The following EPS8 variants were observed in gnomAD, a reference collection of about 807,000 sequenced individuals.
EPS8 encodes the protein EGFR pathway substrate 8, signaling adaptor.
EPS8 carries 42 observed loss-of-function variants against 103.8 expected under a neutral mutation model. That is an observed-to-expected ratio of 0.40 (90% confidence interval 0.32 to 0.52). The LOEUF (loss-of-function observed/expected upper bound fraction) is 0.52, where lower values mean the gene tolerates loss of function less well. EPS8 is among the 20% of genes least tolerant of loss of function. The pLI, the probability that EPS8 is intolerant of heterozygous loss-of-function variation, is 0.40. For synonymous variants in EPS8, 344 were observed against 344.6 expected (o/e 1.00, Z 0.02); for missense variants, 969 against 1,005.1 (o/e 0.96, Z 0.49).
chr12:15,631,550 G>T lies in EPS8; in HGVS notation c.1936C>A (p.Pro646Thr), dbSNP rs758536330. 1.1e-5 allele frequency: 18 copies of T among 1,613,912 alleles called. No homozygotes were observed. Among genetic ancestry groups the T allele is most frequent in the Non-Finnish European group, 1.4e-5 (17 of 1,179,978 alleles). The change falls in exon 18 of 21, where the codon CCT becomes ACT. Residue 646 changes from proline (P) to threonine (T), a missense_variant. Transcript: ENST00000281172. ...ATATTTGCTGGGACCTTTGACACAG[G>T]AACAGGTGCTGGAGTGGAAGGGGGA... ...PLPPSTPAPV[P>T]VSKVPANITR...
chr12:15,756,343 C>A (rs1225724702), intron 1 of EPS8, among the ~76,000 whole-genome samples: 2 of 152,014 alleles, frequency 1.3e-5, no homozygotes, highest in Admixed American at 1.3e-4. Flanking sequence ...CCAAGAAATT[C>A]AAATAGAATT....
intron 15 of EPS8, among the ~76,000 whole-genome samples, chr12:15,646,461 A>G (rs1183010410): frequency 6.6e-6 from 1 of 152,124 alleles, no homozygotes; most frequent in Non-Finnish European, 1.5e-5. Flanking sequence ...TCTTTTCTAC[A>G]TGGCTTGGCT....
At chr12:15,642,445 A>G (rs1028082410) in intron 15 of EPS8, among the ~76,000 whole-genome samples, 14 of 152,182 alleles carry the variant, frequency 9.2e-5, no homozygotes, top group Non-Finnish European at 1.0e-4. Context: ...ACTTTTAAAA[A>G]GTGTATGGGC....
chr12:15,653,649 A>C lies in EPS8; in HGVS notation c.1250+496T>G, dbSNP rs542577239. ...TGATGAACACTGACTCCAGAGCTAC[A>C]TGGCACGAGTTCACATCCCTGCTCT... On this transcript the variant is annotated intron_variant, in intron 13 of 20. Coordinates refer to ENST00000281172, the MANE Select transcript of EPS8 (RefSeq NM_004447.6). Among the ~76,000 whole-genome samples, 47 of 152,310 alleles carry C rather than the reference A, an allele frequency of 3.1e-4. 1 individual carries two copies. Among genetic ancestry groups the C allele is most frequent in the Non-Finnish European group, 5.7e-4 (39 of 68,024 alleles).
intron 1 of EPS8, among the ~76,000 whole-genome samples, chr12:15,703,689 T>C (rs776400255): frequency 6.6e-6 from 1 of 151,252 alleles, no homozygotes; most frequent in African/African-American, 2.4e-5. Context: ...ATATTACTAA[T>C]GTTTAAGAAA....
At chr12:15,786,166 C>T (rs1947308914) in intron 1 of EPS8, among the ~76,000 whole-genome samples, 1 of 151,932 alleles carries the variant, frequency 6.6e-6, no homozygotes, top group African/African-American at 2.4e-5. Flanking sequence ...ACTATCTCAG[C>T]CAGGTGATAA....
Position 15,721,002 on chromosome 12 carries a change from G to T in EPS8, c.-21-38030C>A, listed in dbSNP as rs748367901. ...TTCTCCCTACCACTTACTACAGTTG[G>T]TGATGTTGCATGTCATTTATTTTTG... On this transcript the variant is annotated intron_variant, in intron 1 of 20. Transcript: ENST00000281172. This position sits in a 1 kb window ranked among gnomAD's most constrained non-coding sequence, Gnocchi z 4.4. Among the ~76,000 whole-genome samples the T allele has an allele frequency of 6.6e-6, 1 of 152,126 alleles. No homozygotes were observed. The highest frequency in any genetic ancestry group is 1.5e-5 in the Non-Finnish European group (1 of 68,026).
chr12:15,711,620 C>T (rs1187728554), intron 1 of EPS8, among the ~76,000 whole-genome samples: 1 of 152,108 alleles, frequency 6.6e-6, no homozygotes, highest in Non-Finnish European at 1.5e-5. Flanking sequence ...AGAGTTTGGC[C>T]ACTAAAGCTG....
rs900346185 is a variant in EPS8 at position 15,771,357 on chromosome 12, G to C, written c.-22+17804C>G. Among the ~76,000 whole-genome samples the C allele has an allele frequency of 1.3e-5, 2 of 152,130 alleles. No homozygotes were observed. Among genetic ancestry groups the C allele is most frequent in the Non-Finnish European group, 2.9e-5 (2 of 68,020 alleles). ...CACCAGGTTGTGAAAAGCCTGAAAAGGAAACCTTTGTTAGCAGTTTTTAAA... is the reference window on the plus strand; with the variant it reads ...CACCAGGTTGTGAAAAGCCTGAAAACGAAACCTTTGTTAGCAGTTTTTAAA... On this transcript the variant is annotated intron_variant, in intron 1 of 20. Coordinates refer to ENST00000281172, the MANE Select transcript of EPS8 (RefSeq NM_004447.6). The surrounding 1 kb of genome is among the most constrained non-coding windows in gnomAD (Gnocchi z 4.6).
chr12:15,759,810 G>A lies in EPS8; in HGVS notation c.-22+29351C>T, dbSNP rs978396567. Among the ~76,000 whole-genome samples the A allele has an allele frequency of 1.3e-5, 2 of 151,916 alleles. No homozygotes were observed. Among genetic ancestry groups the A allele is most frequent in the African/African-American group, 4.8e-5 (2 of 41,390 alleles). ...AACATACCAAAACCTATGTGAAACA[G>A]CAAAAGCAGTACTAACAGGAAAGTT... On this transcript the variant is annotated intron_variant, in intron 1 of 20. Coordinates refer to ENST00000281172, the MANE Select transcript of EPS8 (RefSeq NM_004447.6). The surrounding 1 kb of genome is among the most constrained non-coding windows in gnomAD (Gnocchi z 4.9).
At chr12:15,766,198 C>T (rs1160929596) in intron 1 of EPS8, among the ~76,000 whole-genome samples, 14 of 151,706 alleles carry the variant, frequency 9.2e-5, no homozygotes, top group South Asian at 2.1e-4. Flanking sequence ...GAAGTTTTGG[C>T]CTGGCGCAGT....
intron 8 of EPS8, among the ~76,000 whole-genome samples, chr12:15,663,932 A>ATAATAATAAT (rs1457573053): frequency 3.7e-3 from 17 of 4,638 alleles, no homozygotes; most frequent in Non-Finnish European, 0.023. Flanking sequence ...AAAAAAAAAA[A>ATAATAATAAT]AAAAAAAAAA....
At chr12:15,672,073 AT>A (rs1326596598) in intron 3 of EPS8, among the ~76,000 whole-genome samples, 1 of 152,196 alleles carries the variant, frequency 6.6e-6, no homozygotes, top group East Asian at 1.9e-4. Flanking sequence ...ATTCTGACAT[AT>A]AGATATACCT....
intron 17 of EPS8, among the ~76,000 whole-genome samples, chr12:15,639,590 C>G (rs527547042): frequency 6.6e-6 from 1 of 152,180 alleles, no homozygotes; most frequent in South Asian, 2.1e-4. Flanking sequence ...AAACTATACA[C>G]AAATTCTTTA....
chr12:15,786,942 G>T (rs1453263787), intron 1 of EPS8, among the ~76,000 whole-genome samples: 3 of 152,110 alleles, frequency 2.0e-5, no homozygotes, highest in East Asian at 1.9e-4. Flanking sequence ...ATGTCCAAAA[G>T]TTTGTACCTT....
Position 15,640,853 on chromosome 12 carries a change from T to C in EPS8, c.1678-7A>G, listed in dbSNP as rs750628409. On this transcript the variant is annotated splice_region_variant and splice_polypyrimidine_tract_variant and intron_variant, in intron 16 of 20. Transcript: ENST00000281172. ...GCTTCCGATCATCAAGTATCTGTCA[T>C]GTACAAGAAAATAAAGGTATAATTT... 4 of 1,612,626 alleles carry C rather than the reference T, an allele frequency of 2.5e-6. No individual in the cohort carries two copies. Among genetic ancestry groups the C allele is most frequent in the Non-Finnish European group, 3.4e-6 (4 of 1,179,594 alleles).
chr12:15,681,199 T>C, intron 3 of EPS8, 27 bp downstream of exon 3: 1 of 1,261,984 alleles, frequency 7.9e-7, no homozygotes, highest in Non-Finnish European at 1.1e-6. Flanking sequence ...GAAACAAAAT[T>C]ATACCCTATC....
chr12:15,689,316 A>C (rs1210097462), intron 1 of EPS8, among the ~76,000 whole-genome samples: 2 of 147,782 alleles, frequency 1.4e-5, no homozygotes. Context: ...TGAGAAAACT[A>C]GGATTAAATA....
At chr12:15,750,726 T>C (rs61908136) in intron 1 of EPS8, among the ~76,000 whole-genome samples, 1 of 152,212 alleles carries the variant, frequency 6.6e-6, no homozygotes, top group African/African-American at 2.4e-5. Context: ...AGCTATTATT[T>C]ATATGATACT....
Sources: allele counts gnomAD v4.1 joint callset (sites outside exome capture counted in the v4.1 genomes callset), GRCh38; gene constraint gnomAD v4.1.1; non-coding constraint Gnocchi (gnomAD v3.1); transcripts MANE v1.5; gene names NCBI Gene and HGNC (gene_info 2026-07-23, HGNC 2026-07-21).